Variants in CACNA1A observed in about 807,000 individuals in gnomAD.
CACNA1A encodes the protein voltage-dependent P/Q-type calcium channel subunit alpha-1A.
Under a neutral mutation model 262.4 loss-of-function variants are expected in CACNA1A, and 57 were observed. That is an observed-to-expected ratio of 0.22 (90% confidence interval 0.18 to 0.27). CACNA1A has a LOEUF of 0.27. Among genes scored for constraint, CACNA1A ranks in the 10% least tolerant of loss-of-function variants. The pLI is 1.00. For synonymous variants in CACNA1A, 1,431 were observed against 1,419.3 expected (o/e 1.01, Z -0.18); for missense variants, 2,526 against 3,562.8 (o/e 0.71, Z 7.41).
At chr19:13,358,870 T>G (rs1304098955) in intron 6 of CACNA1A, among the ~76,000 whole-genome samples, 1 of 152,214 alleles carries the variant, frequency 6.6e-6, no homozygotes, top group Non-Finnish European at 1.5e-5. Context: ...ATATCTGCAC[T>G]GGGTCAAGGT....
At chr19:13,497,229 T>C (rs1156970896) in intron 1 of CACNA1A, among the ~76,000 whole-genome samples, 1 of 151,884 alleles carries the variant, frequency 6.6e-6, no homozygotes, top group Non-Finnish European at 1.5e-5. Context: ...TAAATGCTGA[T>C]GAATCTCAGC....
chr19:13,231,177 A>ATTTT lies in CACNA1A; in HGVS notation c.5400+529_5400+532dup, dbSNP rs71168692. ...CAGCACCACGTGTGCAGCTAATTCA[A>ATTTT]TTTTTTTTTTTTTTTTTAAAGAGAT... On this transcript the variant is annotated intron_variant, in intron 35 of 46. Coordinates refer to ENST00000360228, the MANE Select transcript of CACNA1A (RefSeq NM_001127222.2). Among the ~76,000 whole-genome samples the ATTTT allele has an allele frequency of 2.2e-5, 3 of 139,142 alleles. No homozygotes were observed. The South Asian group carries it at 6.9e-4, about 32-fold the overall frequency. 91.3% of individuals were successfully genotyped at this position (139,142 alleles called of 152,430 possible). A position where few individuals can be genotyped will look rare whatever the true frequency, so the allele number is the denominator to read the frequency against.
chr19:13,216,849 G>A (rs1321383952), intron 38 of CACNA1A, among the ~76,000 whole-genome samples: 1 of 152,036 alleles, frequency 6.6e-6, no homozygotes. Flanking sequence ...TGCTAACTGG[G>A]TTTACGTTTA....
chr19:13,343,779 T>C (rs1251806996), intron 6 of CACNA1A, among the ~76,000 whole-genome samples: 2 of 152,008 alleles, frequency 1.3e-5, no homozygotes, highest in Admixed American at 1.3e-4. Context: ...ATTTTGGAAA[T>C]GAATGAAAAT....
chr19:13,245,151 T>C, intron 31 of CACNA1A, 31 bp downstream of exon 31: 12 of 1,575,084 alleles, frequency 7.6e-6, no homozygotes, highest in Non-Finnish European at 1.0e-5. Context: ...CAGCCCAGAG[T>C]CACCCAGAGA....
At chr19:13,248,736 G>T (rs974634166) in intron 30 of CACNA1A, among the ~76,000 whole-genome samples, 1 of 151,886 alleles carries the variant, frequency 6.6e-6, no homozygotes, top group Non-Finnish European at 1.5e-5. Flanking sequence ...CCAACTAGTC[G>T]GGAGGCTGAG....
chr19:13,454,434 G>C (rs112510143), intron 2 of CACNA1A, among the ~76,000 whole-genome samples: 11 of 151,640 alleles, frequency 7.3e-5, no homozygotes, highest in Middle Eastern at 3.4e-3. Context: ...GCAATGGTGC[G>C]ATCTTGGCTT....
intron 22 of CACNA1A, among the ~76,000 whole-genome samples, chr19:13,281,901 CT>C (rs1470485495): frequency 6.6e-5 from 10 of 152,216 alleles, no homozygotes; most frequent in Non-Finnish European, 1.5e-4. Context: ...GCCCTGGGAG[CT>C]GCCGTGCCCC....
intron 43 of CACNA1A, chr19:13,210,960 G>C (rs900400740): frequency 2.1e-6 from 1 of 476,168 alleles, no homozygotes; most frequent in Non-Finnish European, 3.8e-6. Context: ...GCGCAGCCTC[G>C]AGCCCCTGGC....
At chr19:13,353,812 C>G (rs748472219) in intron 6 of CACNA1A, among the ~76,000 whole-genome samples, 7 of 152,184 alleles carry the variant, frequency 4.6e-5, no homozygotes, top group African/African-American at 9.7e-5. Context: ...ATCTGCCTGG[C>G]TCCCTCCTTC....
intron 10 of CACNA1A, among the ~76,000 whole-genome samples, chr19:13,323,712 C>T (rs529501124): frequency 2.6e-5 from 4 of 152,208 alleles, no homozygotes; most frequent in African/African-American, 9.6e-5. Flanking sequence ...TCTCACATTC[C>T]TTAGGTTGTC....
In CACNA1A at chr19:13,365,400, A is replaced by T; in HGVS notation, c.701T>A (p.Phe234Tyr). 6.2e-7 allele frequency: 1 copy of T among 1,613,752 alleles called. No homozygotes were observed. The highest frequency in any genetic ancestry group is 8.5e-7 in the Non-Finnish European group (1 of 1,179,742). ...GATTGCAAAAATAAGGATTGCAAAA[A>T]ATAGGAGGAGGCCGATCTGCAGCAA... ...IPLLQIGLLL[F>Y]FAILIFAIIG... The change falls in exon 5 of 47, where the codon TTT (phenylalanine) becomes TAT (tyrosine). Residue 234 changes from phenylalanine (F) to tyrosine (Y), a missense_variant. By Grantham distance (22) the Phe-to-Tyr change is conservative (BLOSUM62 3). Transcript: ENST00000360228.
rs769593975 is a variant in CACNA1A, at chr19:13,214,225, C to T, written c.5940+8G>A. ...GCCCAGATGTCCCCAGAGCGGCGAA[C>T]AGCGCACCTGCTCCTCGCGCATGGC... On this transcript the variant is annotated splice_region_variant and intron_variant, in intron 40 of 46. Transcript: ENST00000360228. This position sits in a 1 kb window ranked among gnomAD's most constrained non-coding sequence, Gnocchi z 4.1. The T allele has an allele frequency of 1.2e-6, 2 of 1,602,976 alleles. No individual in the cohort carries two copies. The highest frequency in any genetic ancestry group is 1.3e-5 in the African/African-American group (1 of 74,962).
intron 6 of CACNA1A, among the ~76,000 whole-genome samples, chr19:13,339,451 G>A (rs2058638525): frequency 1.3e-5 from 2 of 152,218 alleles, no homozygotes; most frequent in African/African-American, 4.8e-5. Context: ...ATGGATGGTG[G>A]TGACAGTTGC....
chr19:13,261,684 T>A, intron 25 of CACNA1A, 74 bp from the exon 26 acceptor site: 1 of 1,388,654 alleles, frequency 7.2e-7, no homozygotes, highest in Non-Finnish European at 1.0e-6. Context: ...TGGCCCATCA[T>A]ACCAAAATAC....
chr19:13,446,647 G>T lies in CACNA1A; in HGVS notation c.539+6229C>A, dbSNP rs533027428. Among the ~76,000 whole-genome samples, 132 of 148,612 alleles carry T rather than the reference G, an allele frequency of 8.9e-4. 1 individual carries two copies. In the Middle Eastern group the frequency reaches 0.014, roughly 16 times the overall value. The stretch of plus-strand genomic sequence containing the variant: ...TTTTTTTGTATTTTTAGTACAGATG[G>T]GGTTTCACCACGTTGGCCAGGCTGG... On this transcript the variant is annotated intron_variant, in intron 3 of 46. Transcript: ENST00000360228.
intron 3 of CACNA1A, among the ~76,000 whole-genome samples, chr19:13,411,284 C>T (rs2060104960): frequency 6.6e-6 from 1 of 152,146 alleles, no homozygotes. Context: ...TTCACTTGCC[C>T]ATGTGATAGG....
In CACNA1A at chr19:13,317,272, C is replaced by T. The variant is rs374307014; in HGVS notation, c.1395G>A (p.Ser465=). Residue 465 remains serine, a synonymous_variant, in exon 11 of 47, where the codon TCG becomes TCA. Coordinates refer to ENST00000360228, the MANE Select transcript of CACNA1A (RefSeq NM_001127222.2). Reference sequence around the variant, plus strand: ...TCCTCTCCTTTTTGTGAAAAAAGGTCGAGTTCTCCAGCTTGGCACTTTTAA... The same window carrying T: ...TCCTCTCCTTTTTGTGAAAAAAGGTTGAGTTCTCCAGCTTGGCACTTTTAA... The part of the protein sequence containing the change: ...ASIKSAKLEN[S]TFFHKKERRM... 66 of 1,612,666 alleles carry T rather than the reference C, an allele frequency of 4.1e-5. No homozygotes were observed. The African/African-American group carries it at 5.6e-4, about 14-fold the overall frequency.
chr19:13,378,020 C>G (rs973996348), intron 3 of CACNA1A, among the ~76,000 whole-genome samples: 1 of 152,096 alleles, frequency 6.6e-6, no homozygotes, highest in Non-Finnish European at 1.5e-5. Context: ...ATTTGTGATT[C>G]GTGGGAACAG....
Sources: allele counts gnomAD v4.1 joint callset (sites outside exome capture counted in the v4.1 genomes callset), GRCh38; gene constraint gnomAD v4.1.1; non-coding constraint Gnocchi (gnomAD v3.1); transcripts MANE v1.5; gene names NCBI Gene and HGNC (gene_info 2026-07-23, HGNC 2026-07-21).